The following SPHKAP variants were observed in gnomAD, a reference collection of about 807,000 sequenced individuals.
SPHKAP encodes the protein SPHK1 interactor, AKAP domain containing.
A neutral mutation model predicts 137.5 loss-of-function variants in SPHKAP; 67 were observed. That is an observed-to-expected ratio of 0.49 (90% CI 0.40 to 0.60). SPHKAP has a LOEUF of 0.60. Ranked by LOEUF, SPHKAP falls within the 20% of genes least tolerant of loss-of-function variation. The pLI, the probability that SPHKAP is intolerant of heterozygous loss-of-function variation, is 0.00. For missense variants in SPHKAP, 2,097 were observed against 2,069.3 expected, an observed-to-expected ratio of 1.01 and a Z score of -0.26; for synonymous variants, 813 against 785.3, an observed-to-expected ratio of 1.04 and a Z score of -0.59.
At chr2:228,052,993 T>C (rs769022215) in intron 3 of SPHKAP, among the ~76,000 whole-genome samples, 1 of 152,150 alleles carries the variant, frequency 6.6e-6, no homozygotes, top group African/African-American at 2.4e-5. Context: ...AAATATAATA[T>C]ATTAGATGAG....
intron 1 of SPHKAP, among the ~76,000 whole-genome samples, chr2:228,177,290 G>A (rs1292107218): frequency 1.3e-5 from 2 of 151,808 alleles, no homozygotes; most frequent in African/African-American, 4.8e-5. Flanking sequence ...CAGAGTTTGA[G>A]GCACCAGGAC....
Position 228,017,608 on chromosome 2 carries a change from G to C in SPHKAP, c.3246C>G (p.Ser1082Arg), listed in dbSNP as rs763850162. The change falls in exon 7 of 12, where the codon AGC becomes AGG. Residue 1082 changes from serine (S) to arginine (R), a missense_variant. Ser to Arg is a moderately radical substitution (Grantham distance 110). Coordinates refer to ENST00000392056, the MANE Select transcript of SPHKAP (RefSeq NM_001142644.2). ...AGTCTTCCTCAGGAATGCTTTCGCA[G>C]CTGGAGGCCTTCAGCCGGCTCCACC... ...GDRWSRLKAS[S>R]CESIPEEDSE... 2 of 1,613,902 alleles carry C rather than the reference G, an allele frequency of 1.2e-6. No individual in the cohort carries two copies. Among genetic ancestry groups the C allele is most frequent in the Non-Finnish European group, 1.7e-6 (2 of 1,180,028 alleles).
chr2:228,032,424 C>T (rs549614743), intron 3 of SPHKAP, among the ~76,000 whole-genome samples: 9 of 152,122 alleles, frequency 5.9e-5, no homozygotes, highest in African/African-American at 9.7e-5. Flanking sequence ...CTGAAACTGA[C>T]GGGGAGAATG....
intron 3 of SPHKAP, among the ~76,000 whole-genome samples, chr2:228,102,178 A>T (rs1302109308): frequency 6.6e-6 from 1 of 152,008 alleles, no homozygotes; most frequent in African/African-American, 2.4e-5. Context: ...TCATTTTTTC[A>T]TATTGTAGTA....
At chr2:228,047,505 C>G (rs1006034478) in intron 3 of SPHKAP, among the ~76,000 whole-genome samples, 3 of 151,878 alleles carry the variant, frequency 2.0e-5, no homozygotes, top group African/African-American at 7.3e-5. Flanking sequence ...TGGTTCAACT[C>G]TCTCATGTTA....
intron 3 of SPHKAP, among the ~76,000 whole-genome samples, chr2:228,038,651 C>T (rs537594125): frequency 5.9e-5 from 9 of 152,170 alleles, no homozygotes; most frequent in Admixed American, 4.6e-4. Flanking sequence ...TTTTCTTGAA[C>T]ATAGAAGTAG....
chr2:227,996,484 G>A (rs1693645155), intron 7 of SPHKAP, among the ~76,000 whole-genome samples: 1 of 152,206 alleles, frequency 6.6e-6, no homozygotes, highest in East Asian at 1.9e-4. Context: ...AGCTATAGCT[G>A]GCTCTGATTG....
At chr2:228,068,951 A>G (rs913232276) in intron 3 of SPHKAP, among the ~76,000 whole-genome samples, 9 of 152,288 alleles carry the variant, frequency 5.9e-5, no homozygotes, top group Admixed American at 4.6e-4. Context: ...GCCAGTCTGG[A>G]AGCCCTAGCA....
chr2:228,006,516 G>A (rs910399475), intron 7 of SPHKAP, among the ~76,000 whole-genome samples: 12 of 151,994 alleles, frequency 7.9e-5, no homozygotes, highest in African/African-American at 2.7e-4. Flanking sequence ...AAGTTTGATC[G>A]TCTGAAGCCT....
At position 228,017,365 on chromosome 2, in the gene SPHKAP, G is replaced by A. The variant is rs142943428; in HGVS notation, c.3489C>T (p.Ala1163=). The A allele has an allele frequency of 2.5e-6, 4 of 1,613,916 alleles. No homozygotes were observed. Among genetic ancestry groups the A allele is most frequent in the African/African-American group, 2.7e-5 (2 of 75,050 alleles). The change falls in exon 7 of 12, where the codon GCC becomes GCT. Residue 1163 remains alanine, a synonymous_variant. Transcript: ENST00000392056. The part of the protein sequence containing the change: ...GKNASSILNS[A]MQQACRKSDH... ...CACTTTTCCGGCACGCCTGTTGCAT[G>A]GCTGAGTTCAGAATGCTGCTGGCGT...
chr2:228,118,864 C>A (rs765714740), intron 2 of SPHKAP, among the ~76,000 whole-genome samples: 9 of 152,086 alleles, frequency 5.9e-5, no homozygotes, highest in Non-Finnish European at 1.0e-4. Flanking sequence ...GTGCACAAAA[C>A]AAGAATAACA....
At chr2:228,089,957 T>A (rs1697667305) in intron 3 of SPHKAP, among the ~76,000 whole-genome samples, 1 of 152,086 alleles carries the variant, frequency 6.6e-6, no homozygotes, top group East Asian at 1.9e-4. Flanking sequence ...ACTCTACTTG[T>A]GAAGTGCTGA....
rs571284910 is a variant in SPHKAP, at chr2:228,007,472, C to G, written c.4448+8934G>C. On this transcript the variant is annotated intron_variant, in intron 7 of 11. Transcript: ENST00000392056. ...ACTAGAATTTTCCTTTCTCTGTCCA[C>G]CTCCCCCAGTCCCCAGCCTCTGGAA... Among the ~76,000 whole-genome samples the G allele has an allele frequency of 3.1e-4, 47 of 152,176 alleles. 1 individual carries two copies. The highest frequency in any genetic ancestry group is 1.1e-3 in the African/African-American group (44 of 41,528).
chr2:228,157,497 G>T (rs373319241), intron 1 of SPHKAP, among the ~76,000 whole-genome samples: 1 of 152,152 alleles, frequency 6.6e-6, no homozygotes, highest in African/African-American at 2.4e-5. Flanking sequence ...CCTCAAAAAA[G>T]AAAAAGGCAG....
At chr2:228,130,496 C>T (rs4973614) in intron 2 of SPHKAP, among the ~76,000 whole-genome samples, 51,839 of 151,844 alleles carry the variant, frequency 0.34, 9,073 homozygotes, top group East Asian at 0.5. Context: ...AAGTCATGTG[C>T]TCAAGATCGC....
At chr2:228,076,687 G>C (rs1697193530) in intron 3 of SPHKAP, among the ~76,000 whole-genome samples, 1 of 152,170 alleles carries the variant, frequency 6.6e-6, no homozygotes, top group African/African-American at 2.4e-5. Flanking sequence ...TACTGTTAAA[G>C]GCATTCAGTG....
chr2:228,118,161 C>T (rs1029458002), intron 2 of SPHKAP, among the ~76,000 whole-genome samples: 1 of 149,818 alleles, frequency 6.7e-6, no homozygotes, highest in Non-Finnish European at 1.5e-5. Context: ...GTTTGAGATT[C>T]GTCTATATTA....
chr2:228,180,304 C>A (rs1365999922), intron 1 of SPHKAP, among the ~76,000 whole-genome samples: 1 of 152,076 alleles, frequency 6.6e-6, no homozygotes, highest in African/African-American at 2.4e-5. Flanking sequence ...TATTTCATCG[C>A]GGAATACAAA....
At chr2:228,149,874 C>G (rs550007769) in intron 1 of SPHKAP, among the ~76,000 whole-genome samples, 3 of 152,176 alleles carry the variant, frequency 2.0e-5, no homozygotes, top group Admixed American at 6.5e-5. Flanking sequence ...ATCAAATAAA[C>G]TGGAAATGCT....
Sources: allele counts gnomAD v4.1 joint callset (sites outside exome capture counted in the v4.1 genomes callset), GRCh38; gene constraint gnomAD v4.1.1; transcripts MANE v1.5; gene names NCBI Gene and HGNC (gene_info 2026-07-23, HGNC 2026-07-21).